Variants in PTPRO observed in about 807,000 individuals in gnomAD.
The protein encoded by PTPRO is protein tyrosine phosphatase receptor type O.
A neutral mutation model predicts 145.2 loss-of-function variants in PTPRO; 62 were observed. The observed-to-expected ratio is 0.43, with a 90% CI of 0.35 to 0.53. The LOEUF (loss-of-function observed/expected upper bound fraction) is 0.53. PTPRO is among the 20% of genes least tolerant of loss of function. PTPRO has a pLI of 0.01. For synonymous variants in PTPRO, 565 were observed against 514.7 expected (o/e 1.10, Z -1.32); for missense variants, 1,345 against 1,482.7 (o/e 0.91, Z 1.53).
chr12:15,488,801 T>C (rs1438124165), intron 2 of PTPRO, among the ~76,000 whole-genome samples: 4 of 152,196 alleles, frequency 2.6e-5, no homozygotes, highest in Admixed American at 2.6e-4. Context: ...TCACAACCCT[T>C]AGGCTGTGAC....
intron 14 of PTPRO, 104 bp downstream of exon 14, chr12:15,549,330 A>C: frequency 2.1e-6 from 2 of 964,496 alleles, no homozygotes; most frequent in Non-Finnish European, 2.7e-6. Context: ...CTTCGGAGTC[A>C]GAGAGTCCTT....
chr12:15,374,370 T>C (rs2136264488), intron 1 of PTPRO, among the ~76,000 whole-genome samples: 2 of 152,150 alleles, frequency 1.3e-5, no homozygotes, highest in African/African-American at 4.8e-5. Flanking sequence ...CTCTGAAAAT[T>C]AGCCAAATAC....
chr12:15,476,421 T>C (rs1327764033), intron 1 of PTPRO, among the ~76,000 whole-genome samples: 2 of 152,072 alleles, frequency 1.3e-5, no homozygotes, highest in Non-Finnish European at 2.9e-5. Context: ...TGTTTGTTTT[T>C]TTCTTGTAAA....
At chr12:15,503,832 A>T in intron 5 of PTPRO, 76 bp from the exon 6 acceptor site, 1 of 1,245,296 alleles carries the variant, frequency 8.0e-7, no homozygotes, top group Non-Finnish European at 1.1e-6. Context: ...ATTTTTTTTC[A>T]TTAATCGACT....
intron 12 of PTPRO, among the ~76,000 whole-genome samples, chr12:15,534,156 T>C (rs530691487): frequency 2.6e-5 from 4 of 152,266 alleles, no homozygotes; most frequent in Admixed American, 1.3e-4. Flanking sequence ...ACTTTGGTGG[T>C]ATGTGGTGAC....
intron 1 of PTPRO, among the ~76,000 whole-genome samples, chr12:15,425,794 A>G (rs964920248): frequency 3.9e-5 from 6 of 152,036 alleles, no homozygotes; most frequent in African/African-American, 1.2e-4. Flanking sequence ...TTCCTTCACT[A>G]ATACCATACA....
chr12:15,581,069 T>C (rs1944302634), intron 22 of PTPRO, among the ~76,000 whole-genome samples: 1 of 152,184 alleles, frequency 6.6e-6, no homozygotes, highest in African/African-American at 2.4e-5. Flanking sequence ...AGGAGAAATA[T>C]TGCATATTGT....
chr12:15,502,654 T>C (rs1942245649), intron 5 of PTPRO, among the ~76,000 whole-genome samples: 1 of 152,180 alleles, frequency 6.6e-6, no homozygotes, highest in Non-Finnish European at 1.5e-5. Flanking sequence ...ATATTATATT[T>C]TGCATTGACT....
intron 1 of PTPRO, among the ~76,000 whole-genome samples, chr12:15,438,702 G>C (rs968024256): frequency 7.2e-5 from 11 of 152,076 alleles, no homozygotes; most frequent in African/African-American, 2.4e-4. Context: ...TGAAATATGG[G>C]ATTATGTAAG....
At chr12:15,564,879 C>T (rs957651632) in intron 17 of PTPRO, among the ~76,000 whole-genome samples, 1 of 152,170 alleles carries the variant, frequency 6.6e-6, no homozygotes, top group East Asian at 1.9e-4. Context: ...TTAGCCTTAG[C>T]TAACTTAGGT....
intron 19 of PTPRO, among the ~76,000 whole-genome samples, chr12:15,574,049 A>T (rs6488784): frequency 6.6e-6 from 1 of 151,988 alleles, no homozygotes; most frequent in South Asian, 2.1e-4. Flanking sequence ...TCATTTTGAT[A>T]CTGACATTGA....
At position 15,516,791 on chromosome 12, in the gene PTPRO, C is replaced by T. The variant is rs761152700; in HGVS notation, c.1614C>T (p.Leu538=). ...IVPTGIKDLM[L]YPLGPTAVVL... is the part of the protein sequence containing the mutation. ...CCACAGGAATAAAGGATTTAATGCT[C>T]TATCCTTTGGGTCCTACGGCCGTGG... The change falls in exon 9 of 27, where the codon CTC becomes CTT. Residue 538 remains leucine, a synonymous_variant. Coordinates refer to ENST00000281171, the MANE Select transcript of PTPRO (RefSeq NM_030667.3). 198 of 1,610,702 alleles carry T rather than the reference C, an allele frequency of 1.2e-4. No homozygotes were observed. In the South Asian group the frequency reaches 2.1e-3, roughly 17 times the overall value.
chr12:15,572,415 A>T (rs1474171040), intron 19 of PTPRO, among the ~76,000 whole-genome samples: 1 of 152,236 alleles, frequency 6.6e-6, no homozygotes, highest in Admixed American at 6.5e-5. Flanking sequence ...ATTTGTAATC[A>T]TTGATAATGT....
At chr12:15,571,446 C>A (rs1419999445) in intron 19 of PTPRO, among the ~76,000 whole-genome samples, 5 of 152,252 alleles carry the variant, frequency 3.3e-5, no homozygotes, top group African/African-American at 1.2e-4. Context: ...CACCACCATG[C>A]CCGGCTAACT....
rs1206619210 is a variant in PTPRO, at chr12:15,452,907, G to GA, written c.76-31060dup. Among the ~76,000 whole-genome samples the GA allele has an allele frequency of 2.6e-5, 4 of 152,042 alleles. No individual in the cohort carries two copies. In the South Asian group the frequency reaches 6.3e-4, roughly 24 times the overall value. On this transcript the variant is annotated intron_variant, in intron 1 of 26. Transcript: ENST00000281171. The stretch of plus-strand genomic sequence containing the variant: ...CTCTTTAATAGATTGTTTCCATTTG[G>GA]AAAAAAATCTCATTTATTTGTTGGA...
At chr12:15,420,473 GCCATTCCAATTGTGGAAA>G (rs1254662423) in intron 1 of PTPRO, among the ~76,000 whole-genome samples, 1 of 151,588 alleles carries the variant, frequency 6.6e-6, no homozygotes, top group African/African-American at 2.4e-5. Context: ...CTGAAACACA[GCCATTCCAATTGTGGAAA>G]CTCAACTCAG....
chr12:15,446,572 T>C (rs1940907967), intron 1 of PTPRO, among the ~76,000 whole-genome samples: 1 of 151,874 alleles, frequency 6.6e-6, no homozygotes, highest in African/African-American at 2.4e-5. Flanking sequence ...GGAAGGCAAA[T>C]ATATGATGCC....
chr12:15,365,202 TG>T (rs1938324861), intron 1 of PTPRO, among the ~76,000 whole-genome samples: 1 of 152,148 alleles, frequency 6.6e-6, no homozygotes, highest in Non-Finnish European at 1.5e-5. Context: ...CCCTACATTC[TG>T]GGTGTCTGGA....
chr12:15,399,773 C>T (rs115353389), intron 1 of PTPRO, among the ~76,000 whole-genome samples: 5 of 151,802 alleles, frequency 3.3e-5, no homozygotes, highest in South Asian at 2.1e-4. Flanking sequence ...ACCTTTGGCC[C>T]GGCACAGTGG....
Sources: gnomAD v4.1 joint callset for allele counts (sites outside exome capture counted in the v4.1 genomes callset) on GRCh38, gnomAD v4.1.1 for gene constraint, MANE v1.5 for transcripts, NCBI Gene and HGNC (gene_info 2026-07-23, HGNC 2026-07-21) for gene names.